RBFOX1: variants seen among roughly 807,000 people sequenced by gnomAD.
The protein encoded by RBFOX1 is RNA binding protein fox-1 homolog 1.
In RBFOX1, 8 loss-of-function variants were observed where a neutral mutation model predicts 57.7. That is an observed-to-expected ratio of 0.14 (90% CI 0.08 to 0.25). The LOEUF (loss-of-function observed/expected upper bound fraction) is 0.25, where lower values mean the gene tolerates loss of function less well. Ranked by LOEUF, RBFOX1 falls within the 10% of genes least tolerant of loss-of-function variation. The pLI is 1.00. For missense variants in RBFOX1, 611 were observed against 548.5 expected, an observed-to-expected ratio of 1.11 and a Z score of -1.14; for synonymous variants, 326 against 222.4, an observed-to-expected ratio of 1.47 and a Z score of -4.15.
At chr16:7,334,704 C>T (rs757474932) in intron 4 of RBFOX1, among the ~76,000 whole-genome samples, 3 of 152,080 alleles carry the variant, frequency 2.0e-5, no homozygotes, top group Non-Finnish European at 4.4e-5. Flanking sequence ...GCTGTCATTA[C>T]GAAATGCCAC....
At chr16:5,277,897 C>T (rs978514155) in intron 1 of RBFOX1, among the ~76,000 whole-genome samples, 8 of 152,068 alleles carry the variant, frequency 5.3e-5, no homozygotes, top group African/African-American at 1.2e-4. Flanking sequence ...TCCATTCATC[C>T]GTTGATTGAC....
At chr16:6,708,735 A>G (rs763343746) in intron 3 of RBFOX1, among the ~76,000 whole-genome samples, 1 of 152,340 alleles carries the variant, frequency 6.6e-6, no homozygotes, top group Middle Eastern at 3.4e-3. Context: ...CTAGCCCATT[A>G]GCTCAACTCA....
At chr16:5,338,083 G>C (rs923394944) in intron 1 of RBFOX1, among the ~76,000 whole-genome samples, 1 of 152,134 alleles carries the variant, frequency 6.6e-6, no homozygotes, top group Non-Finnish European at 1.5e-5. Flanking sequence ...TTCTTCTAGG[G>C]ATAGAGGGTG....
At chr16:7,119,596 C>G (rs1281291679) in intron 4 of RBFOX1, among the ~76,000 whole-genome samples, 1 of 151,858 alleles carries the variant, frequency 6.6e-6, no homozygotes, top group East Asian at 1.9e-4. Context: ...CAACAAAAAA[C>G]CACCCAGACA....
At chr16:5,802,172 T>G (rs900923985) in intron 3 of RBFOX1, among the ~76,000 whole-genome samples, 1 of 152,134 alleles carries the variant, frequency 6.6e-6, no homozygotes, top group Admixed American at 6.5e-5. Flanking sequence ...GCCCTCAATT[T>G]TATTTGCTGC....
Position 6,164,557 on chromosome 16 carries a change from C to G in RBFOX1, c.-127+144565C>G, listed in dbSNP as rs1229008039. On this transcript the variant is annotated intron_variant, in intron 1 of 15. Transcript: ENST00000550418. Reference sequence around the variant, plus strand: ...TCTCGGCCCACTGCAACCTCTGCCTCTCAGATTCAAGCGATTCTCATGCCT... The same window carrying G: ...TCTCGGCCCACTGCAACCTCTGCCTGTCAGATTCAAGCGATTCTCATGCCT... 4.0e-5 allele frequency among the ~76,000 whole-genome samples: 6 copies of G among 151,440 alleles called. No individual in the cohort carries two copies. In the East Asian group the frequency reaches 5.8e-4, roughly 15 times the overall value.
At chr16:6,557,016 C>T (rs564029268) in intron 2 of RBFOX1, among the ~76,000 whole-genome samples, 3 of 144,046 alleles carry the variant, frequency 2.1e-5, no homozygotes, top group Non-Finnish European at 4.5e-5. Flanking sequence ...CATATATATA[C>T]ATATATATAC....
chr16:6,317,113 C>G lies in RBFOX1; in HGVS notation c.-64+56C>G. On this transcript the variant is annotated intron_variant, in intron 2 of 15. Coordinates refer to ENST00000550418, the MANE Select transcript of RBFOX1 (RefSeq NM_018723.4). The stretch of plus-strand genomic sequence containing the variant: ...CATAAATACATCCATGTCTTTGATC[C>G]TGTTCTCTCTGAAAAGCTCTTTTCT... 4.2e-6 allele frequency: 6 copies of G among 1,443,336 alleles called. No homozygotes were observed. In the Middle Eastern group the frequency reaches 1.0e-3, roughly 249 times the overall value. The allele number at this position is 1,443,336 out of a possible 1,614,324, so 89.4% of individuals were successfully genotyped here.
intron 3 of RBFOX1, among the ~76,000 whole-genome samples, chr16:6,830,586 T>C (rs1463927020): frequency 6.6e-6 from 1 of 152,162 alleles, no homozygotes; most frequent in Non-Finnish European, 1.5e-5. Context: ...GGGAAATTGA[T>C]GTTGACATCT....
chr16:6,623,706 G>A (rs1181414685), intron 2 of RBFOX1, among the ~76,000 whole-genome samples: 4 of 150,964 alleles, frequency 2.6e-5, no homozygotes, highest in Non-Finnish European at 5.9e-5. Context: ...TTGGTTTTTT[G>A]TCCTTGCGAT....
At chr16:5,730,753 C>T (rs1321694515) in intron 3 of RBFOX1, among the ~76,000 whole-genome samples, 2 of 152,120 alleles carry the variant, frequency 1.3e-5, no homozygotes, top group East Asian at 3.9e-4. Context: ...ACCATCATCA[C>T]CATCAGTATC....
rs9937522 is a variant in RBFOX1 at position 6,029,037 on chromosome 16, G to C, written c.-127+9045G>C. Among the ~76,000 whole-genome samples, 675 of 152,240 alleles carry C rather than the reference G, an allele frequency of 4.4e-3. 6 individuals carry two copies. Among genetic ancestry groups the C allele is most frequent in the African/African-American group, 0.015 (642 of 41,536 alleles). ...TCTGTCTCCAAGGATGGCTACCTGGGAGTGAGTTAAGTCAAGCAGCAATCA... is the reference window on the plus strand; with the variant it reads ...TCTGTCTCCAAGGATGGCTACCTGGCAGTGAGTTAAGTCAAGCAGCAATCA... On this transcript the variant is annotated intron_variant, in intron 1 of 15. Transcript: ENST00000550418.
At chr16:6,556,316 C>G (rs759903501) in intron 2 of RBFOX1, among the ~76,000 whole-genome samples, 2 of 152,160 alleles carry the variant, frequency 1.3e-5, no homozygotes, top group Non-Finnish European at 2.9e-5. Flanking sequence ...TTCATTTGTT[C>G]TTCAAGTGAC....
chr16:6,986,678 C>CCCTTCTCTCTCT (rs1410735650), intron 3 of RBFOX1, among the ~76,000 whole-genome samples: 95 of 152,082 alleles, frequency 6.2e-4, no homozygotes, highest in Non-Finnish European at 1.3e-4. Context: ...CCTCTCCCTC[C>CCCTTCTCTCTCT]CCTTCTCTCT....
At chr16:7,280,919 G>C (rs2095527812) in intron 4 of RBFOX1, among the ~76,000 whole-genome samples, 1 of 151,174 alleles carries the variant, frequency 6.6e-6, no homozygotes, top group Non-Finnish European at 1.5e-5. Context: ...CAGCTACTCT[G>C]GGCCTCTTGA....
chr16:5,707,132 T>A (rs2051282256), intron 3 of RBFOX1, among the ~76,000 whole-genome samples: 1 of 152,102 alleles, frequency 6.6e-6, no homozygotes, highest in African/African-American at 2.4e-5. Context: ...ACTCTCCCAT[T>A]CCCAGACAAT....
At chr16:6,222,232 T>G (rs1047320010) in intron 1 of RBFOX1, among the ~76,000 whole-genome samples, 1 of 152,222 alleles carries the variant, frequency 6.6e-6, no homozygotes, top group Non-Finnish European at 1.5e-5. Flanking sequence ...GGGTCTTTGG[T>G]ATTCAGGTGT....
At chr16:6,304,325 G>A (rs1430741102) in intron 1 of RBFOX1, among the ~76,000 whole-genome samples, 5 of 152,048 alleles carry the variant, frequency 3.3e-5, no homozygotes, top group African/African-American at 9.7e-5. Flanking sequence ...GAAGTTCCAT[G>A]CATTCCCAAT....
rs538369670 is a variant in RBFOX1 at position 6,509,919 on chromosome 16, T to G, written c.-63-144684T>G. Among the ~76,000 whole-genome samples the G allele has an allele frequency of 7.9e-5, 12 of 152,302 alleles. No individual in the cohort carries two copies. In the East Asian group the frequency reaches 1.9e-3, roughly 25 times the overall value. On this transcript the variant is annotated intron_variant, in intron 2 of 15. Coordinates refer to ENST00000550418, the MANE Select transcript of RBFOX1 (RefSeq NM_018723.4). ...GTAAAATAAACTATATCCCTGATAA[T>G]GCAGGAGACGCTCCATAAGTGATGG...
Sources: allele counts gnomAD v4.1 joint callset (sites outside exome capture counted in the v4.1 genomes callset), GRCh38; gene constraint gnomAD v4.1.1; transcripts MANE v1.5; gene names NCBI Gene and HGNC (gene_info 2026-07-23, HGNC 2026-07-21).